SLC39A9: variants seen among roughly 807,000 people sequenced by gnomAD.
SLC39A9 encodes the protein solute carrier family 39 member 9.
In SLC39A9, 14 loss-of-function variants were observed where a neutral mutation model predicts 28.4. The ratio of observed to expected loss-of-function variants is 0.49; its 90% CI spans 0.33 to 0.77. The LOEUF is 0.77. Among genes scored for constraint, SLC39A9 ranks in the 30% least tolerant of loss-of-function variants. The probability of loss-of-function intolerance (pLI) is 0.02; values close to 1 mark genes in which losing one functional copy is unlikely to be tolerated. For synonymous variants in SLC39A9, 119 were observed against 149.6 expected (o/e 0.80, Z 1.49); for missense variants, 283 against 381.1 (o/e 0.74, Z 2.14).
Position 69,424,047 on chromosome 14 carries a change from C to T in SLC39A9, c.97-47C>T, listed in dbSNP as rs748646463. ...TACAGATACTTGAGAAACTTTTTCCCATTAATTAATCAAAGTTTGCAATTA... is the reference window on the plus strand; with the variant it reads ...TACAGATACTTGAGAAACTTTTTCCTATTAATTAATCAAAGTTTGCAATTA... On this transcript the variant is annotated intron_variant, in intron 1 of 6. Coordinates refer to ENST00000336643, the MANE Select transcript of SLC39A9 (RefSeq NM_018375.5). 8 of 1,433,778 alleles carry T rather than the reference C, an allele frequency of 5.6e-6. No homozygotes were observed. In the South Asian group the frequency reaches 5.8e-5, roughly 10 times the overall value. 88.8% of individuals were successfully genotyped at this position (1,433,778 alleles called of 1,614,324 possible). A position where few individuals can be genotyped will look rare whatever the true frequency, so the allele number is the denominator to read the frequency against.
intron 2 of SLC39A9, among the ~76,000 whole-genome samples, chr14:69,432,923 T>G (rs1884567192): frequency 6.6e-6 from 1 of 152,234 alleles, no homozygotes; most frequent in Non-Finnish European, 1.5e-5. Context: ...CCACACTGTT[T>G]TGGTTACTAT....
chr14:69,450,210 A>G (rs1157878445), intron 3 of SLC39A9, among the ~76,000 whole-genome samples: 1 of 151,918 alleles, frequency 6.6e-6, no homozygotes, highest in East Asian at 1.9e-4. Context: ...AAAAGGAAGA[A>G]AGGAAGGAAG....
intron 4 of SLC39A9, 68 bp from the exon 5 acceptor site, chr14:69,454,744 C>T: frequency 7.5e-7 from 1 of 1,338,634 alleles, no homozygotes; most frequent in Non-Finnish European, 1.1e-6. Flanking sequence ...AGCTCATACA[C>T]TCAACCACTA....
chr14:69,422,496 G>C (rs995443748), intron 1 of SLC39A9, among the ~76,000 whole-genome samples: 2 of 152,120 alleles, frequency 1.3e-5, no homozygotes, highest in African/African-American at 4.8e-5. Flanking sequence ...CTATAGCCTT[G>C]AACTCCTGGG....
intron 1 of SLC39A9, among the ~76,000 whole-genome samples, chr14:69,410,585 T>G (rs1408917424): frequency 6.6e-6 from 1 of 152,236 alleles, no homozygotes; most frequent in African/African-American, 2.4e-5. Context: ...TGTAAGGACT[T>G]GAAGAACCAA....
chr14:69,415,485 T>G (rs1393707174), intron 1 of SLC39A9, among the ~76,000 whole-genome samples: 1 of 152,250 alleles, frequency 6.6e-6, no homozygotes, highest in Non-Finnish European at 1.5e-5. Flanking sequence ...CTTTTATTAT[T>G]GAGTTGTAGA....
intron 1 of SLC39A9, among the ~76,000 whole-genome samples, chr14:69,409,993 G>C (rs183362674): frequency 1.1e-3 from 172 of 152,230 alleles, no homozygotes; most frequent in Non-Finnish European, 2.0e-3. Flanking sequence ...GCTCGGTTCA[G>C]TTGAACTCTT....
intron 6 of SLC39A9, 141 bp downstream of exon 6, chr14:69,456,007 A>ACTG: frequency 1.0e-6 from 1 of 965,064 alleles, no homozygotes; most frequent in Non-Finnish European, 1.5e-6. Context: ...CAGGGTAAAT[A>ACTG]TCTTAATTCC....
chr14:69,440,807 G>C (rs535555323), intron 2 of SLC39A9, among the ~76,000 whole-genome samples: 1 of 152,214 alleles, frequency 6.6e-6, no homozygotes, highest in Admixed American at 6.5e-5. Flanking sequence ...CTGAGTAGCT[G>C]GGATTACAGG....
chr14:69,406,673 G>A (rs1339566800), intron 1 of SLC39A9, among the ~76,000 whole-genome samples: 1 of 146,450 alleles, frequency 6.8e-6, no homozygotes, highest in Non-Finnish European at 1.5e-5. Context: ...GGGCAACAGA[G>A]CGAGACTGTC....
upstream of SLC39A9, chr14:69,398,538 G>A (rs1882436182): frequency 1.9e-6 from 1 of 529,806 alleles, no homozygotes; most frequent in Non-Finnish European, 3.4e-6. Flanking sequence ...TACGGCTCAA[G>A]TGATCACCGG....
intron 2 of SLC39A9, among the ~76,000 whole-genome samples, chr14:69,425,162 CT>C (rs927866676): frequency 6.6e-6 from 1 of 152,072 alleles, no homozygotes; most frequent in Admixed American, 6.6e-5. Context: ...GTGGTCTCTA[CT>C]TTTTTTATGG....
Position 69,459,478 on chromosome 14 carries a change from A to G in SLC39A9, c.*885A>G. Reference sequence around the variant, plus strand: ...ATTAAGGGATATTAAATTTTAAGTGATTTTTGGATGGTTATTGATATCTTT... The same window carrying G: ...ATTAAGGGATATTAAATTTTAAGTGGTTTTTGGATGGTTATTGATATCTTT... On this transcript the variant is annotated 3_prime_UTR_variant, in exon 7 of 7. Coordinates refer to ENST00000336643, the MANE Select transcript of SLC39A9 (RefSeq NM_018375.5). The G allele has an allele frequency of 4.1e-6, 4 of 984,706 alleles. No homozygotes were observed. The highest frequency in any genetic ancestry group is 4.8e-6 in the Non-Finnish European group (4 of 829,574). The allele number at this position is 984,706 out of a possible 1,614,324, so 61.0% of individuals were successfully genotyped here.
At chr14:69,445,276 T>G (rs992944353) in intron 3 of SLC39A9, among the ~76,000 whole-genome samples, 1 of 152,072 alleles carries the variant, frequency 6.6e-6, no homozygotes, top group African/African-American at 2.4e-5. Flanking sequence ...CTGCCACCCC[T>G]GAGACAGCAA....
chr14:69,450,015 G>A (rs183845238), intron 3 of SLC39A9, among the ~76,000 whole-genome samples: 35 of 151,886 alleles, frequency 2.3e-4, no homozygotes, highest in African/African-American at 7.5e-4. Flanking sequence ...GTGAAACCCC[G>A]TCTCTACTAA....
rs1882446721 is a variant in SLC39A9, at chr14:69,398,704, C to G, written c.-666C>G. On this transcript the variant is annotated 5_prime_UTR_variant, in exon 1 of 7. Transcript: ENST00000336643. ...AAGTGGATGGAATGAAGAGATGCCA[C>G]TTGGCGGCCATGGCAGCTGTAGTAT... 1 of 229,234 alleles carries G rather than the reference C, an allele frequency of 4.4e-6. No individual in the cohort carries two copies. The highest frequency in any genetic ancestry group is 4.8e-5 in the South Asian group (1 of 20,996). 14.2% of individuals were successfully genotyped at this position (229,234 alleles called of 1,614,324 possible).
intron 3 of SLC39A9, among the ~76,000 whole-genome samples, chr14:69,445,496 G>A (rs1376653572): frequency 6.6e-6 from 1 of 151,848 alleles, no homozygotes; most frequent in African/African-American, 2.4e-5. Context: ...CGTGTTAATC[G>A]ACTTTGTTAT....
At chr14:69,441,136 G>A (rs1225613496) in intron 2 of SLC39A9, among the ~76,000 whole-genome samples, 1 of 152,058 alleles carries the variant, frequency 6.6e-6, no homozygotes, top group Non-Finnish European at 1.5e-5. Flanking sequence ...CAAATTAGCT[G>A]GTTATGGTGG....
At chr14:69,408,862 C>G (rs995698580) in intron 1 of SLC39A9, among the ~76,000 whole-genome samples, 4 of 152,184 alleles carry the variant, frequency 2.6e-5, no homozygotes, top group Non-Finnish European at 1.5e-5. Flanking sequence ...TTTAGAATCA[C>G]TTAGTAGAGG....
Sources: gnomAD v4.1 joint callset for allele counts (sites outside exome capture counted in the v4.1 genomes callset) on GRCh38, gnomAD v4.1.1 for gene constraint, MANE v1.5 for transcripts, NCBI Gene and HGNC (gene_info 2026-07-23, HGNC 2026-07-21) for gene names.